The following ANGPT1 variants were observed in gnomAD, a reference collection of about 807,000 sequenced individuals.
ANGPT1 encodes the protein angiopoietin 1.
A neutral mutation model predicts 62.2 loss-of-function variants in ANGPT1; 17 were observed. The observed-to-expected ratio is 0.27, with a 90% confidence interval of 0.19 to 0.41. The LOEUF is 0.41. Among genes scored for constraint, ANGPT1 ranks in the 10% least tolerant of loss-of-function variants. ANGPT1 has a pLI of 1.00. For missense variants in ANGPT1, 478 were observed against 594.9 expected (o/e 0.80, Z 2.04); for synonymous variants, 199 against 198.9 (o/e 1.00, Z 0.00).
chr8:107,394,558 G>C (rs1176181346), intron 1 of ANGPT1, among the ~76,000 whole-genome samples: 3 of 152,114 alleles, frequency 2.0e-5, no homozygotes, highest in Non-Finnish European at 4.4e-5. Context: ...AGGAGACTAA[G>C]CTTAAGAGAT....
Position 107,317,637 on chromosome 8 carries a change from T to A in ANGPT1, c.808+4259A>T, listed in dbSNP as rs991998737. Among the ~76,000 whole-genome samples, 44 of 148,392 alleles carry A rather than the reference T, an allele frequency of 3.0e-4. 1 individual carries two copies. Among genetic ancestry groups the A allele is most frequent in the African/African-American group, 1.0e-3 (42 of 40,306 alleles). Reference sequence around the variant, plus strand: ...CAGTGAATTTATTTTTATTTTTATTTTTTTTTTTTTTGAGACAGAGTCTTA... The same window carrying A: ...CAGTGAATTTATTTTTATTTTTATTATTTTTTTTTTTGAGACAGAGTCTTA... On this transcript the variant is annotated intron_variant, in intron 4 of 8. Coordinates refer to ENST00000517746, the MANE Select transcript of ANGPT1 (RefSeq NM_001146.5).
At chr8:107,488,416 G>A (rs557129498) in intron 1 of ANGPT1, among the ~76,000 whole-genome samples, 58 of 152,218 alleles carry the variant, frequency 3.8e-4, no homozygotes, top group Non-Finnish European at 6.6e-4. Context: ...CAAGGGAAGA[G>A]GGTTTAGAAG....
At chr8:107,345,839 A>G (rs920763346) in intron 2 of ANGPT1, among the ~76,000 whole-genome samples, 2 of 152,178 alleles carry the variant, frequency 1.3e-5, no homozygotes, top group South Asian at 4.1e-4. Flanking sequence ...TCCAAAGCTA[A>G]TGTGAATCAC....
rs1563591177 is a variant in ANGPT1, at chr8:107,370,401, AAAGAAAG to A, written c.298-23311_298-23305del. On this transcript the variant is annotated intron_variant, in intron 1 of 8. Transcript: ENST00000517746. ...GAAAGAAAGAAAGAAAGAAAGAAAGAAAGAAAGAGTCAGGGTCAGTGGCTCAGGCCTA... is the reference window on the plus strand; with the variant it reads ...GAAAGAAAGAAAGAAAGAAAGAAAGAAGTCAGGGTCAGTGGCTCAGGCCTA... Among the ~76,000 whole-genome samples, 41 of 56,962 alleles carry A rather than the reference AAAGAAAG, an allele frequency of 7.2e-4. 7 individuals are homozygous for A. The highest frequency in any genetic ancestry group is 1.5e-3 in the African/African-American group (37 of 23,894). The allele number at this position is 56,962 out of a possible 152,430, so 37.4% of individuals were successfully genotyped here.
intron 1 of ANGPT1, among the ~76,000 whole-genome samples, chr8:107,407,438 C>T (rs1309327736): frequency 2.0e-5 from 3 of 152,148 alleles, no homozygotes; most frequent in Admixed American, 6.6e-5. Context: ...TCATCATTGA[C>T]ATGGCTTCAT....
chr8:107,424,543 A>G (rs1284243567), intron 1 of ANGPT1, among the ~76,000 whole-genome samples: 1 of 149,466 alleles, frequency 6.7e-6, no homozygotes, highest in African/African-American at 2.4e-5. Flanking sequence ...AATTTCAAAG[A>G]AAAAAAAATT....
chr8:107,445,516 T>C (rs527758996), intron 1 of ANGPT1, among the ~76,000 whole-genome samples: 1 of 152,248 alleles, frequency 6.6e-6, no homozygotes, highest in South Asian at 2.1e-4. Flanking sequence ...AAATATATAT[T>C]ATGGACCTCC....
intron 1 of ANGPT1, among the ~76,000 whole-genome samples, chr8:107,420,467 C>A (rs994791008): frequency 6.6e-6 from 1 of 152,112 alleles, no homozygotes; most frequent in Non-Finnish European, 1.5e-5. Flanking sequence ...TTGTGTGTAT[C>A]GAAGGCAAAC....
chr8:107,289,396 T>C (rs1033540545), intron 6 of ANGPT1, among the ~76,000 whole-genome samples: 5 of 152,154 alleles, frequency 3.3e-5, no homozygotes, highest in African/African-American at 7.2e-5. Flanking sequence ...TCAGGAAGCG[T>C]TGACTTTTTA....
At chr8:107,347,163 AT>A in intron 1 of ANGPT1, 66 bp from the exon 2 acceptor site, 1 of 1,493,818 alleles carries the variant, frequency 6.7e-7, no homozygotes, top group East Asian at 2.3e-5. Flanking sequence ...GGCATGTAAT[AT>A]TTACAATAAC....
chr8:107,304,981 T>C (rs567403115), intron 4 of ANGPT1, among the ~76,000 whole-genome samples: 7 of 152,124 alleles, frequency 4.6e-5, no homozygotes, highest in African/African-American at 1.4e-4. Flanking sequence ...CATATATAAA[T>C]GCTTACTCAA....
chr8:107,358,167 A>G (rs1417177199), intron 1 of ANGPT1, among the ~76,000 whole-genome samples: 1 of 152,240 alleles, frequency 6.6e-6, no homozygotes, highest in Admixed American at 6.5e-5. Flanking sequence ...GTACAGGCAT[A>G]AAACTGTCAA....
At chr8:107,267,190 C>T (rs1216698669) in intron 7 of ANGPT1, among the ~76,000 whole-genome samples, 1 of 151,986 alleles carries the variant, frequency 6.6e-6, no homozygotes, top group Non-Finnish European at 1.5e-5. Context: ...TGTGAAAATA[C>T]AAATAGAAAT....
At chr8:107,255,449 C>T (rs1412597842) in intron 8 of ANGPT1, among the ~76,000 whole-genome samples, 1 of 152,096 alleles carries the variant, frequency 6.6e-6, no homozygotes, top group Non-Finnish European at 1.5e-5. Flanking sequence ...TTCTTTTGGG[C>T]AATGGGAAGC....
intron 1 of ANGPT1, among the ~76,000 whole-genome samples, chr8:107,493,282 T>G (rs1813012470): frequency 6.6e-6 from 1 of 150,462 alleles, no homozygotes; most frequent in Non-Finnish European, 1.5e-5. Context: ...ACAACAACTT[T>G]GAACTACAGC....
At chr8:107,449,181 TA>T (rs1370878940) in intron 1 of ANGPT1, among the ~76,000 whole-genome samples, 1 of 152,118 alleles carries the variant, frequency 6.6e-6, no homozygotes, top group Non-Finnish European at 1.5e-5. Flanking sequence ...AAACAGTTGT[TA>T]AAAACCTGCA....
intron 1 of ANGPT1, among the ~76,000 whole-genome samples, chr8:107,436,742 T>G (rs1376471564): frequency 1.3e-5 from 2 of 152,182 alleles, no homozygotes; most frequent in African/African-American, 4.8e-5. Flanking sequence ...CTGTGCTCAT[T>G]TTATGTCAAT....
At chr8:107,411,451 A>T (rs144080128) in intron 1 of ANGPT1, among the ~76,000 whole-genome samples, 3,183 of 152,304 alleles carry the variant, frequency 0.021, 58 homozygotes, top group Middle Eastern at 0.061. Context: ...TGATAAAAAG[A>T]CTTATAAGAA....
chr8:107,370,551 A>T (rs887609954), intron 1 of ANGPT1, among the ~76,000 whole-genome samples: 4 of 17,768 alleles, frequency 2.3e-4, no homozygotes, highest in African/African-American at 9.7e-4. Flanking sequence ...AAAATAAAAA[A>T]ATTAGCCGGG....
Sources: gnomAD v4.1 joint callset for allele counts (sites outside exome capture counted in the v4.1 genomes callset) on GRCh38, gnomAD v4.1.1 for gene constraint, MANE v1.5 for transcripts, NCBI Gene and HGNC (gene_info 2026-07-23, HGNC 2026-07-21) for gene names.